The following RFX3 variants were observed in gnomAD, a reference collection of about 807,000 sequenced individuals.
RFX3 encodes regulatory factor X3.
In RFX3, 14 loss-of-function variants were observed where a neutral mutation model predicts 98.6. That is an observed-to-expected ratio of 0.14 (90% CI 0.09 to 0.22). The LOEUF is 0.22. RFX3 is among the 10% of genes least tolerant of loss of function. RFX3 has a pLI of 1.00. For missense variants in RFX3, 639 were observed against 926.9 expected (o/e 0.69, Z 4.03); for synonymous variants, 383 against 328.4 (o/e 1.17, Z -1.80).
intron 15 of RFX3, among the ~76,000 whole-genome samples, chr9:3,231,053 C>G (rs190492664): frequency 1.3e-5 from 2 of 152,156 alleles, no homozygotes; most frequent in African/African-American, 4.8e-5. Flanking sequence ...CAGCTGAAAT[C>G]TCAGTGATTG....
chr9:3,303,986 G>T (rs955243581), intron 4 of RFX3, among the ~76,000 whole-genome samples: 1 of 151,950 alleles, frequency 6.6e-6, no homozygotes, highest in Non-Finnish European at 1.5e-5. Flanking sequence ...TGTGTAGCCC[G>T]GGGAATGGAA....
At chr9:3,355,110 T>G (rs969512828) in intron 2 of RFX3, among the ~76,000 whole-genome samples, 2 of 151,618 alleles carry the variant, frequency 1.3e-5, no homozygotes, top group Non-Finnish European at 3.0e-5. Context: ...GAAGATAGAG[T>G]GTCATACTAG....
chr9:3,404,974 C>T (rs534109886), intron 1 of RFX3, among the ~76,000 whole-genome samples: 1 of 152,284 alleles, frequency 6.6e-6, no homozygotes, highest in East Asian at 1.9e-4. Flanking sequence ...AGAAGATCAA[C>T]TTTTCCAAAG....
In RFX3 at chr9:3,522,678, C is replaced by G. The variant is rs551823214; in HGVS notation, c.-9+3069G>C. On this transcript the variant is annotated intron_variant, in intron 1 of 16. Coordinates refer to ENST00000617270, the MANE Select transcript of RFX3 (RefSeq NM_001282116.2). ...ACTTTAAAATCTGAAAACCAAAAAT[C>G]ATTATATTCTGCCTGCTAATTTCTT... Among the ~76,000 whole-genome samples, 16 of 152,010 alleles carry G rather than the reference C, an allele frequency of 1.1e-4. No homozygotes were observed. The South Asian group carries it at 3.1e-3, about 30-fold the overall frequency.
intron 15 of RFX3, among the ~76,000 whole-genome samples, chr9:3,240,050 T>C (rs1475241680): frequency 6.6e-6 from 1 of 152,164 alleles, no homozygotes; most frequent in Admixed American, 6.5e-5. Flanking sequence ...AAGCTGTTCA[T>C]AATATAAGAT....
intron 1 of RFX3, among the ~76,000 whole-genome samples, chr9:3,463,314 C>T (rs765476386): frequency 3.3e-5 from 5 of 152,042 alleles, no homozygotes; most frequent in African/African-American, 4.8e-5. Context: ...GGAACAATCA[C>T]ATACCCATCT....
intron 1 of RFX3, among the ~76,000 whole-genome samples, chr9:3,406,554 T>C (rs1041748181): frequency 3.9e-5 from 6 of 152,100 alleles, no homozygotes; most frequent in African/African-American, 7.2e-5. Context: ...ACTATCCTTA[T>C]CTTTTTCACT....
At position 3,231,161 on chromosome 9, in the gene RFX3, C is replaced by T. The variant is rs183754751; in HGVS notation, c.1969-2272G>A. On this transcript the variant is annotated intron_variant, in intron 15 of 16. Transcript: ENST00000617270. ...GTACAAAGAATGTCAGAGACACTGT[C>T]AATACCTCTAGGTGTCTCTGGGATC... 2.4e-3 allele frequency among the ~76,000 whole-genome samples: 358 copies of T among 152,264 alleles called. 2 individuals carry two copies. Among genetic ancestry groups the T allele is most frequent in the Middle Eastern group, 0.014 (4 of 294 alleles).
intron 16 of RFX3, among the ~76,000 whole-genome samples, chr9:3,225,899 T>C (rs978816267): frequency 6.6e-6 from 1 of 152,178 alleles, no homozygotes; most frequent in Non-Finnish European, 1.5e-5. Context: ...AAATGTGCAA[T>C]GGATTTCCAT....
At chr9:3,503,460 G>C (rs761582537) in intron 1 of RFX3, among the ~76,000 whole-genome samples, 2 of 151,574 alleles carry the variant, frequency 1.3e-5, no homozygotes, top group East Asian at 3.9e-4. Context: ...GAATAGCCTC[G>C]AATACTGTGA....
At position 3,236,429 on chromosome 9, in the gene RFX3, A is replaced by C. The variant is rs188465040; in HGVS notation, c.1969-7540T>G. ...CAGAGCAGTCCTAAGCTCCATATCC[A>C]AAAGAATATGTTAAAGTACACACTA... On this transcript the variant is annotated intron_variant, in intron 15 of 16. Coordinates refer to ENST00000617270, the MANE Select transcript of RFX3 (RefSeq NM_001282116.2). 2.0e-5 allele frequency among the ~76,000 whole-genome samples: 3 copies of C among 152,310 alleles called. No individual in the cohort carries two copies. The East Asian group carries it at 5.8e-4, about 29-fold the overall frequency.
Position 3,243,291 on chromosome 9 carries a change from T to G in RFX3, c.1968+4741A>C, listed in dbSNP as rs73642623. Among the ~76,000 whole-genome samples the G allele has an allele frequency of 6.7e-3, 1,002 of 150,586 alleles. 4 individuals carry two copies. Among genetic ancestry groups the G allele is most frequent in the African/African-American group, 0.023 (948 of 41,140 alleles). Reference sequence around the variant, plus strand: ...ATGAAAATTTAAAAATTATATAAATTTTAGCAATAAATAAATTGTTTCCTT... The same window carrying G: ...ATGAAAATTTAAAAATTATATAAATGTTAGCAATAAATAAATTGTTTCCTT... On this transcript the variant is annotated intron_variant, in intron 15 of 16. Coordinates refer to ENST00000617270, the MANE Select transcript of RFX3 (RefSeq NM_001282116.2).
chr9:3,253,965 T>C (rs1428773946), intron 14 of RFX3, among the ~76,000 whole-genome samples: 3 of 152,192 alleles, frequency 2.0e-5, no homozygotes, highest in African/African-American at 7.2e-5. Context: ...GCTATTGACT[T>C]TGCCTACCAG....
At chr9:3,425,797 T>C (rs1843961194) in intron 1 of RFX3, among the ~76,000 whole-genome samples, 1 of 152,250 alleles carries the variant, frequency 6.6e-6, no homozygotes, top group African/African-American at 2.4e-5. Flanking sequence ...CCATGAGGTA[T>C]TGTACCTTAG....
At chr9:3,338,600 A>C (rs533059711) in intron 3 of RFX3, among the ~76,000 whole-genome samples, 4 of 152,198 alleles carry the variant, frequency 2.6e-5, no homozygotes, top group Non-Finnish European at 4.4e-5. Context: ...GTTGCAACAC[A>C]GAGAGCTAGG....
chr9:3,343,649 T>A (rs1468230321), intron 3 of RFX3, among the ~76,000 whole-genome samples: 2 of 152,196 alleles, frequency 1.3e-5, no homozygotes, highest in African/African-American at 4.8e-5. Flanking sequence ...TGAGTATACT[T>A]CATGGCAACA....
intron 1 of RFX3, among the ~76,000 whole-genome samples, chr9:3,435,656 AC>A (rs1296576352): frequency 6.6e-6 from 1 of 151,962 alleles, no homozygotes; most frequent in Non-Finnish European, 1.5e-5. Context: ...TATTGTATTT[AC>A]CTTATTCACC....
At chr9:3,334,389 T>C (rs1832930123) in intron 3 of RFX3, among the ~76,000 whole-genome samples, 1 of 152,216 alleles carries the variant, frequency 6.6e-6, no homozygotes, top group South Asian at 2.1e-4. Flanking sequence ...TGGAAGTTGC[T>C]ACCTCATCAT....
rs1034764065 is a variant in RFX3, at chr9:3,376,577, G to C, written c.117+18895C>G. On this transcript the variant is annotated intron_variant, in intron 2 of 16. Coordinates refer to ENST00000617270, the MANE Select transcript of RFX3 (RefSeq NM_001282116.2). Reference sequence around the variant, plus strand: ...ACAAAAGAACATATGTTGTACAAAAGCCAAAATTGACAAATGGGATCTAAC... The same window carrying C: ...ACAAAAGAACATATGTTGTACAAAACCCAAAATTGACAAATGGGATCTAAC... 1.7e-4 allele frequency among the ~76,000 whole-genome samples: 26 copies of C among 152,100 alleles called. 1 individual carries two copies. Among genetic ancestry groups the C allele is most frequent in the Non-Finnish European group, 2.8e-4 (19 of 68,008 alleles).
Sources: gnomAD v4.1 joint callset for allele counts (sites outside exome capture counted in the v4.1 genomes callset) on GRCh38, gnomAD v4.1.1 for gene constraint, MANE v1.5 for transcripts, NCBI Gene and HGNC (gene_info 2026-07-23, HGNC 2026-07-21) for gene names.